The following ELOVL7 variants were observed in gnomAD, a reference collection of about 807,000 sequenced individuals.
ELOVL7 encodes ELOVL fatty acid elongase 7, also known as very long chain fatty acid elongase 7.
Under a neutral mutation model 35.7 loss-of-function variants are expected in ELOVL7, and 27 were observed. That is an observed-to-expected ratio of 0.76 (90% CI 0.56 to 1.04). The LOEUF is 1.04. ELOVL7 is among the 50% of genes least tolerant of loss of function. The pLI is 0.00. For missense variants in ELOVL7, 327 were observed against 340.8 expected (o/e 0.96, Z 0.32); for synonymous variants, 113 against 114.6 (o/e 0.99, Z 0.09).
intron 3 of ELOVL7, among the ~76,000 whole-genome samples, chr5:60,781,203 C>A (rs1293312802): frequency 1.4e-5 from 2 of 147,580 alleles, no homozygotes; most frequent in Non-Finnish European, 3.0e-5. Context: ...AGAGTAAGAC[C>A]CTGTCTCAGA....
chr5:60,831,432 T>C (rs1467522130), intron 1 of ELOVL7, among the ~76,000 whole-genome samples: 2 of 152,226 alleles, frequency 1.3e-5, no homozygotes, highest in East Asian at 3.8e-4. Context: ...ACAAATGTGA[T>C]GTTTTGGGAG....
chr5:60,821,930 G>C (rs1745913625), intron 1 of ELOVL7, among the ~76,000 whole-genome samples: 1 of 152,120 alleles, frequency 6.6e-6, no homozygotes, highest in Non-Finnish European at 1.5e-5. Flanking sequence ...ATCCACGATA[G>C]GGAAAAAAAG....
chr5:60,797,137 T>TA (rs1398642030), intron 2 of ELOVL7, among the ~76,000 whole-genome samples: 3 of 152,204 alleles, frequency 2.0e-5, no homozygotes, highest in Non-Finnish European at 2.9e-5. Flanking sequence ...ACAGCCTCAG[T>TA]AAAAAATTAT....
At position 60,754,427 on chromosome 5, in the gene ELOVL7, G is replaced by T; in HGVS notation, c.*197C>A. ...AAAACAAAAACAAAAACAAATTCTG[G>T]CTGCTGTAGGCTCTAATTATCAGAA... On this transcript the variant is annotated 3_prime_UTR_variant, in exon 9 of 9. Coordinates refer to ENST00000508821, the MANE Select transcript of ELOVL7 (RefSeq NM_024930.3). 1 of 552,050 alleles carries T rather than the reference G, an allele frequency of 1.8e-6. No homozygotes were observed. The highest frequency in any genetic ancestry group is 3.2e-6 in the Non-Finnish European group (1 of 313,104). 34.2% of individuals were successfully genotyped at this position (552,050 alleles called of 1,614,324 possible). A position where few individuals can be genotyped will look rare whatever the true frequency, so the allele number is the denominator to read the frequency against.
chr5:60,762,299 C>CA (rs3030130), intron 7 of ELOVL7, among the ~76,000 whole-genome samples: 4,929 of 78,146 alleles, frequency 0.063, 158 homozygotes, highest in Non-Finnish European at 0.1. Context: ...AACTCTGCCT[C>CA]AAAAAAAAAA....
chr5:60,795,724 C>T (rs545004145), intron 2 of ELOVL7, among the ~76,000 whole-genome samples: 2 of 152,344 alleles, frequency 1.3e-5, no homozygotes, highest in Admixed American at 1.3e-4. Context: ...CCCATTGCCA[C>T]TCCCAATCGG....
chr5:60,757,678 T>TGTTACATGTAACA, intron 7 of ELOVL7, 33 bp from the exon 8 acceptor site: 2 of 1,514,320 alleles, frequency 1.3e-6, no homozygotes, highest in Non-Finnish European at 1.8e-6. Flanking sequence ...CATGGGGCCA[T>TGTTACATGTAACA]TGTTCCTTAA....
chr5:60,758,123 A>C (rs1171543717), intron 7 of ELOVL7, among the ~76,000 whole-genome samples: 2 of 152,178 alleles, frequency 1.3e-5, no homozygotes, highest in Non-Finnish European at 2.9e-5. Flanking sequence ...CCTTCCAAGA[A>C]TATACCCCTC....
chr5:60,838,136 A>G (rs1466599608), intron 1 of ELOVL7, among the ~76,000 whole-genome samples: 2 of 152,202 alleles, frequency 1.3e-5, no homozygotes, highest in African/African-American at 4.8e-5. Context: ...GATAAAATCC[A>G]AAACCTTTAT....
chr5:60,838,287 C>T (rs930690702), intron 1 of ELOVL7, among the ~76,000 whole-genome samples: 5 of 152,164 alleles, frequency 3.3e-5, no homozygotes, highest in African/African-American at 1.2e-4. Flanking sequence ...TTTCCCACTC[C>T]TCGTCCCATT....
chr5:60,790,027 C>T (rs1743833397), intron 2 of ELOVL7, among the ~76,000 whole-genome samples: 1 of 152,076 alleles, frequency 6.6e-6, no homozygotes. Context: ...ATTCCAGCTA[C>T]TCAGGAGGCT....
At chr5:60,839,242 G>A (rs1316709952) in intron 1 of ELOVL7, among the ~76,000 whole-genome samples, 1 of 151,998 alleles carries the variant, frequency 6.6e-6, no homozygotes, top group Non-Finnish European at 1.5e-5. Context: ...CAGCTACTCA[G>A]GAAGCTGAGG....
intron 1 of ELOVL7, among the ~76,000 whole-genome samples, chr5:60,834,646 G>A (rs1210013202): frequency 2.0e-5 from 3 of 151,744 alleles, no homozygotes; most frequent in Non-Finnish European, 4.4e-5. Context: ...CTCAAAAAAT[G>A]ATATAAAATA....
At chr5:60,808,928 G>C (rs1745099457) in intron 1 of ELOVL7, among the ~76,000 whole-genome samples, 1 of 152,196 alleles carries the variant, frequency 6.6e-6, no homozygotes, top group South Asian at 2.1e-4. Context: ...TATAAAGTTG[G>C]AGAACATGTC....
At chr5:60,784,117 A>T in intron 3 of ELOVL7, 2 of 1,507,450 alleles carry the variant, frequency 1.3e-6, no homozygotes, top group East Asian at 2.5e-5. Context: ...GGGCTTTTCC[A>T]TCAGCTGCTT....
At chr5:60,766,698 G>A (rs958467366) in intron 5 of ELOVL7, 68 bp from the exon 6 acceptor site, 20 of 1,379,314 alleles carry the variant, frequency 1.5e-5, no homozygotes, top group Middle Eastern at 4.9e-4. Flanking sequence ...TTTAAATTTT[G>A]GTAAAATATG....
chr5:60,772,662 A>C (rs917310416), intron 3 of ELOVL7, among the ~76,000 whole-genome samples: 1 of 152,076 alleles, frequency 6.6e-6, no homozygotes, highest in Admixed American at 6.5e-5. Flanking sequence ...CCCTCTCTCC[A>C]CTGGCTGAAT....
chr5:60,828,001 C>A (rs894663419), intron 1 of ELOVL7, among the ~76,000 whole-genome samples: 1 of 60,106 alleles, frequency 1.7e-5, no homozygotes, highest in African/African-American at 6.5e-5. Flanking sequence ...TCCTCAATTT[C>A]CCACATTTTA....
intron 1 of ELOVL7, among the ~76,000 whole-genome samples, chr5:60,835,289 T>C (rs1561476736): frequency 6.6e-6 from 1 of 151,470 alleles, no homozygotes; most frequent in Non-Finnish European, 1.5e-5. Context: ...TAGAACTTAA[T>C]CTACAATTTC....
Sources: allele counts gnomAD v4.1 joint callset (sites outside exome capture counted in the v4.1 genomes callset), GRCh38; gene constraint gnomAD v4.1.1; transcripts MANE v1.5; gene names NCBI Gene and HGNC (gene_info 2026-07-23, HGNC 2026-07-21).